AUTS2: variants seen among roughly 807,000 people sequenced by gnomAD.
AUTS2 encodes activator of transcription and developmental regulator AUTS2.
AUTS2 carries 17 observed loss-of-function variants against 112.4 expected under a neutral mutation model. That is an observed-to-expected ratio of 0.15 (90% CI 0.10 to 0.23). The LOEUF is 0.23. Among genes scored for constraint, AUTS2 ranks in the 10% least tolerant of loss-of-function variants. The probability of loss-of-function intolerance (pLI) is 1.00; values close to 1 mark genes in which losing one functional copy is unlikely to be tolerated. For synonymous variants in AUTS2, 751 were observed against 702.7 expected, an observed-to-expected ratio of 1.07 and a Z score of -1.09; for missense variants, 1,510 against 1,701.6, an observed-to-expected ratio of 0.89 and a Z score of 1.98.
intron 2 of AUTS2, among the ~76,000 whole-genome samples, chr7:69,934,391 A>G (rs772187649): frequency 3.3e-5 from 5 of 152,170 alleles, no homozygotes; most frequent in Non-Finnish European, 7.4e-5. Flanking sequence ...TGGAGCAGAC[A>G]TTGACTCCTT....
At chr7:70,059,659 C>T (rs193290263) in intron 2 of AUTS2, among the ~76,000 whole-genome samples, 3 of 152,230 alleles carry the variant, frequency 2.0e-5, no homozygotes, top group East Asian at 1.9e-4. Flanking sequence ...GGAGGTACAT[C>T]GTACTGTGGC....
intron 1 of AUTS2, among the ~76,000 whole-genome samples, chr7:69,800,507 A>C (rs1324910634): frequency 6.6e-6 from 1 of 152,096 alleles, no homozygotes; most frequent in African/African-American, 2.4e-5. Context: ...CTGGCACACT[A>C]TTGGGGTGAC....
chr7:70,373,179 G>T (rs921967897), intron 4 of AUTS2, among the ~76,000 whole-genome samples: 1 of 151,786 alleles, frequency 6.6e-6, no homozygotes, highest in African/African-American at 2.4e-5. Flanking sequence ...AAGGATGAGA[G>T]GGTCTGTGGG....
intron 1 of AUTS2, among the ~76,000 whole-genome samples, chr7:69,723,803 T>C (rs528956090): frequency 1.3e-5 from 2 of 152,330 alleles, no homozygotes; most frequent in East Asian, 3.9e-4. Flanking sequence ...CCCAGTCCAC[T>C]GGCATCATGT....
intron 5 of AUTS2, among the ~76,000 whole-genome samples, chr7:70,449,896 C>A (rs1185464956): frequency 2.0e-5 from 3 of 152,034 alleles, no homozygotes; most frequent in African/African-American, 7.2e-5. Context: ...TGAATTACTC[C>A]CCTGCCCCAC....
intron 1 of AUTS2, among the ~76,000 whole-genome samples, chr7:69,754,927 A>G (rs1359208432): frequency 6.6e-6 from 1 of 152,188 alleles, no homozygotes; most frequent in Admixed American, 6.5e-5. Context: ...GCATTACACC[A>G]CACTGTGGCC....
intron 5 of AUTS2, among the ~76,000 whole-genome samples, chr7:70,577,416 T>G (rs990691519): frequency 3.3e-5 from 5 of 152,236 alleles, no homozygotes; most frequent in Non-Finnish European, 7.3e-5. Context: ...CCCCCCTCCC[T>G]GTTATCTTTT....
At chr7:70,769,641 C>T (rs1438243236) in intron 10 of AUTS2, among the ~76,000 whole-genome samples, 2 of 152,200 alleles carry the variant, frequency 1.3e-5, no homozygotes, top group African/African-American at 4.8e-5. Flanking sequence ...TCTGAGACGG[C>T]TCCACTGCAC....
Position 70,498,027 on chromosome 7 carries a change from A to G in AUTS2, c.690+62246A>G, listed in dbSNP as rs142392499. On this transcript the variant is annotated intron_variant, in intron 5 of 18. Coordinates refer to ENST00000342771, the MANE Select transcript of AUTS2 (RefSeq NM_015570.4). ...ATGTGTCAGATGGTGATTAGTGCCA[A>G]GGAGAGAAAGAAAGCAGGAAGAGGG... Among the ~76,000 whole-genome samples the G allele has an allele frequency of 2.0e-5, 3 of 152,330 alleles. 1 individual carries two copies. In the East Asian group the frequency reaches 5.8e-4, roughly 29 times the overall value.
At chr7:70,729,193 G>A (rs1191982870) in intron 6 of AUTS2, 1 of 456,520 alleles carries the variant, frequency 2.2e-6, no homozygotes, top group Admixed American at 2.3e-5. Flanking sequence ...CGGGGGTGGG[G>A]CTTGGAGCTC....
chr7:70,584,998 T>C (rs1288382785), intron 5 of AUTS2, among the ~76,000 whole-genome samples: 1 of 152,220 alleles, frequency 6.6e-6, no homozygotes, highest in Non-Finnish European at 1.5e-5. Flanking sequence ...GAAACCAAAA[T>C]TATTAACTCC....
intron 5 of AUTS2, among the ~76,000 whole-genome samples, chr7:70,595,861 C>T (rs1468249769): frequency 6.6e-6 from 1 of 152,214 alleles, no homozygotes; most frequent in Non-Finnish European, 1.5e-5. Flanking sequence ...GCACCGACAC[C>T]GTCCCTTTCA....
chr7:70,533,258 G>T (rs1017362801), intron 5 of AUTS2, among the ~76,000 whole-genome samples: 2 of 152,128 alleles, frequency 1.3e-5, no homozygotes, highest in African/African-American at 4.8e-5. Context: ...TGGGACCACA[G>T]GCATGGACCA....
intron 1 of AUTS2, among the ~76,000 whole-genome samples, chr7:69,783,682 G>C (rs142117227): frequency 6.0e-4 from 91 of 152,322 alleles, no homozygotes; most frequent in African/African-American, 2.2e-3. Flanking sequence ...TAGCAAGCTT[G>C]AGGCATATCA....
At chr7:70,116,158 G>C (rs543939122) in intron 2 of AUTS2, among the ~76,000 whole-genome samples, 97 of 152,326 alleles carry the variant, frequency 6.4e-4, no homozygotes, top group South Asian at 4.1e-3. Context: ...GAGCTTTAGC[G>C]TTGACTGAGG....
At chr7:70,740,172 C>T (rs964110482) in intron 6 of AUTS2, among the ~76,000 whole-genome samples, 1 of 152,166 alleles carries the variant, frequency 6.6e-6, no homozygotes, top group African/African-American at 2.4e-5. Context: ...TTGCCTTTGA[C>T]GAATTTCAGG....
At chr7:69,849,455 G>C (rs1584336684) in intron 1 of AUTS2, among the ~76,000 whole-genome samples, 1 of 152,028 alleles carries the variant, frequency 6.6e-6, no homozygotes, top group East Asian at 1.9e-4. Flanking sequence ...TAAAAGCACA[G>C]AACTGTTTCA....
chr7:69,911,756 A>C (rs1396438874), intron 2 of AUTS2, among the ~76,000 whole-genome samples: 1 of 152,110 alleles, frequency 6.6e-6, no homozygotes, highest in Non-Finnish European at 1.5e-5. Context: ...GAAGGGAAGA[A>C]GTACATGTTG....
intron 4 of AUTS2, among the ~76,000 whole-genome samples, chr7:70,313,445 G>T (rs944347680): frequency 6.6e-6 from 1 of 152,272 alleles, no homozygotes; most frequent in South Asian, 2.1e-4. Flanking sequence ...GATCCCAAGC[G>T]GAACCCTGTT....
Sources: allele counts gnomAD v4.1 joint callset (sites outside exome capture counted in the v4.1 genomes callset), GRCh38; gene constraint gnomAD v4.1.1; transcripts MANE v1.5; gene names NCBI Gene and HGNC (gene_info 2026-07-23, HGNC 2026-07-21).